Variants in EHMT1 observed in about 807,000 individuals in gnomAD.
EHMT1 encodes the protein euchromatic histone lysine methyltransferase 1.
A neutral mutation model predicts 147.2 loss-of-function variants in EHMT1; 15 were observed. The ratio of observed to expected loss-of-function variants is 0.10; its 90% CI spans 0.07 to 0.16. The LOEUF (loss-of-function observed/expected upper bound fraction) is 0.16. EHMT1 is among the 10% of genes least tolerant of loss of function. EHMT1 has a pLI of 1.00. For synonymous variants in EHMT1, 795 were observed against 709.6 expected, an observed-to-expected ratio of 1.12 and a Z score of -1.91; for missense variants, 1,587 against 1,772.4, an observed-to-expected ratio of 0.90 and a Z score of 1.88.
At chr9:137,766,323 A>G (rs1241692522) in intron 10 of EHMT1, among the ~76,000 whole-genome samples, 1 of 152,172 alleles carries the variant, frequency 6.6e-6, no homozygotes, top group Non-Finnish European at 1.5e-5. Context: ...TTATAGAGAG[A>G]CATATCTCAG....
intron 3 of EHMT1, 191 bp downstream of exon 3, chr9:137,717,373 C>G: frequency 2.6e-6 from 2 of 761,166 alleles, no homozygotes; most frequent in South Asian, 1.6e-5. Flanking sequence ...GAGGCTGAGG[C>G]GGGTGGATTG....
intron 1 of EHMT1, among the ~76,000 whole-genome samples, chr9:137,678,123 A>AAAAT (rs931205949): frequency 1.3e-4 from 20 of 152,196 alleles, no homozygotes; most frequent in African/African-American, 4.6e-4. Context: ...GTTTAGTGGA[A>AAAAT]AAATAGATTA....
chr9:137,672,729 A>G (rs933600216), intron 1 of EHMT1, among the ~76,000 whole-genome samples: 1 of 152,234 alleles, frequency 6.6e-6, no homozygotes, highest in Non-Finnish European at 1.5e-5. Context: ...ATCCTTCAAA[A>G]TAGTCAACTC....
chr9:137,664,443 A>G (rs762906710), intron 1 of EHMT1, among the ~76,000 whole-genome samples: 1 of 151,940 alleles, frequency 6.6e-6, no homozygotes, highest in Non-Finnish European at 1.5e-5. Context: ...TATTTTTAGT[A>G]GAGACTGGGT....
Position 137,787,797 on chromosome 9 carries a change from G to A in EHMT1, c.2383-3051G>A. The A allele has an allele frequency of 1.2e-6, 1 of 854,610 alleles. No individual in the cohort carries two copies. Among genetic ancestry groups the A allele is most frequent in the South Asian group, 1.3e-5 (1 of 76,068 alleles). The allele number at this position is 854,610 out of a possible 1,614,324, so 52.9% of individuals were successfully genotyped here. ...AGGGCGTCTAGATCCCAGCCCTGGGGGCCCTCAGGTTTCAGGGGCCACCCC... is the reference window on the plus strand; with the variant it reads ...AGGGCGTCTAGATCCCAGCCCTGGGAGCCCTCAGGTTTCAGGGGCCACCCC... On this transcript the variant is annotated intron_variant, in intron 15 of 26. Transcript: ENST00000460843. The surrounding 1 kb of genome is among the most constrained non-coding windows in gnomAD (Gnocchi z 4.2).
Position 137,684,545 on chromosome 9 carries a change from G to T in EHMT1, c.22-26422G>T, listed in dbSNP as rs116406845. ...CTTACTCTGTCACCCATGTTGGAGT[G>T]CAGTGGTGTGATCTTGGCTCACTGC... is the stretch of plus-strand genomic sequence containing the variant. On this transcript the variant is annotated intron_variant, in intron 1 of 26. Coordinates refer to ENST00000460843, the MANE Select transcript of EHMT1 (RefSeq NM_024757.5). Among the ~76,000 whole-genome samples the T allele has an allele frequency of 4.0e-3, 605 of 152,240 alleles. 6 individuals are homozygous for T. Among genetic ancestry groups the T allele is most frequent in the African/African-American group, 0.014 (569 of 41,534 alleles).
intron 15 of EHMT1, among the ~76,000 whole-genome samples, chr9:137,790,036 C>T (rs1316864534): frequency 6.6e-6 from 1 of 152,204 alleles, no homozygotes; most frequent in Non-Finnish European, 1.5e-5. Context: ...GGCCTCTCCA[C>T]CCCCTTAGCC....
chr9:137,719,051 C>A (rs928955155), intron 3 of EHMT1, among the ~76,000 whole-genome samples: 2 of 152,108 alleles, frequency 1.3e-5, no homozygotes, highest in Non-Finnish European at 2.9e-5. Context: ...CCGCGCCCGG[C>A]CTGATTAGTT....
At chr9:137,780,901 G>A (rs1951405151) in intron 14 of EHMT1, among the ~76,000 whole-genome samples, 1 of 114,606 alleles carries the variant, frequency 8.7e-6, no homozygotes, top group Admixed American at 8.1e-5. Context: ...ACGCTGGGAT[G>A]TGTGGTGATG....
chr9:137,687,031 A>G (rs1589259602), intron 1 of EHMT1, among the ~76,000 whole-genome samples: 1 of 152,252 alleles, frequency 6.6e-6, no homozygotes, highest in Admixed American at 6.5e-5. Context: ...GCTGGCCCCA[A>G]CTTCATTCTT....
chr9:137,724,006 C>T (rs1354588083), intron 3 of EHMT1, among the ~76,000 whole-genome samples: 1 of 152,192 alleles, frequency 6.6e-6, no homozygotes, highest in Non-Finnish European at 1.5e-5. Context: ...TTTTTTCTAC[C>T]TGGAAATGCT....
rs777999570 is a variant in EHMT1, at chr9:137,710,980, G to A, written c.35G>A (p.Arg12Lys). The A allele has an allele frequency of 2.1e-5, 34 of 1,597,386 alleles. No individual in the cohort carries two copies. Among genetic ancestry groups the A allele is most frequent in the Middle Eastern group, 3.3e-4 (2 of 6,066 alleles). The part of the protein sequence containing the change: ...AAADAEAVPA[R>K]GEPQQDCCVK... The stretch of plus-strand genomic sequence containing the variant: ...TCTCTCTAACAGGCAGTTCCGGCGA[G>A]GGGGGAGCCTCAGCAGGATTGCTGT... Residue 12 changes from arginine to lysine, a missense_variant, in exon 2 of 27, where the codon AGG (arginine) becomes AAG (lysine). By Grantham distance (26) the Arg-to-Lys change is conservative. Coordinates refer to ENST00000460843, the MANE Select transcript of EHMT1 (RefSeq NM_024757.5).
chr9:137,735,226 A>G (rs1186994550), intron 4 of EHMT1, among the ~76,000 whole-genome samples: 1 of 152,224 alleles, frequency 6.6e-6, no homozygotes, highest in African/African-American at 2.4e-5. Flanking sequence ...ATGAATAAAG[A>G]TGTAGTTTTG....
At chr9:137,673,196 G>GGT (rs1257178856) in intron 1 of EHMT1, among the ~76,000 whole-genome samples, 1 of 152,176 alleles carries the variant, frequency 6.6e-6, no homozygotes, top group Non-Finnish European at 1.5e-5. Flanking sequence ...CCTCCCAGCA[G>GGT]GTGTTTATTG....
At chr9:137,767,560 C>A (rs1345547834) in intron 10 of EHMT1, among the ~76,000 whole-genome samples, 1 of 152,192 alleles carries the variant, frequency 6.6e-6, no homozygotes. Flanking sequence ...CGCCTATAAT[C>A]CCAGCACTTT....
intron 1 of EHMT1, among the ~76,000 whole-genome samples, chr9:137,705,586 G>C (rs1247235232): frequency 4.6e-5 from 7 of 152,212 alleles, no homozygotes; most frequent in Non-Finnish European, 4.4e-5. Context: ...AAGGTCTGTT[G>C]CTCAGGTGGA....
At chr9:137,718,481 G>A (rs1450735603) in intron 3 of EHMT1, among the ~76,000 whole-genome samples, 1 of 152,164 alleles carries the variant, frequency 6.6e-6, no homozygotes, top group Non-Finnish European at 1.5e-5. Flanking sequence ...CCACTGTTTA[G>A]GGCTTCACAG....
At chr9:137,781,462 G>C (rs1374424308) in intron 14 of EHMT1, among the ~76,000 whole-genome samples, 1 of 152,136 alleles carries the variant, frequency 6.6e-6, no homozygotes, top group Non-Finnish European at 1.5e-5. Flanking sequence ...ATGATGCTGA[G>C]ATGTGTGGTC....
intron 1 of EHMT1, among the ~76,000 whole-genome samples, chr9:137,630,056 G>A (rs527811373): frequency 2.0e-5 from 3 of 152,294 alleles, no homozygotes; most frequent in East Asian, 3.9e-4. Flanking sequence ...GGAGTCTCTT[G>A]GATAAGAGGC....
Sources: gnomAD v4.1 joint callset for allele counts (sites outside exome capture counted in the v4.1 genomes callset) on GRCh38, gnomAD v4.1.1 for gene constraint, Gnocchi (gnomAD v3.1) non-coding constraint, MANE v1.5 for transcripts, NCBI Gene and HGNC (gene_info 2026-07-23, HGNC 2026-07-21) for gene names.